C6orf62: variants seen among roughly 807,000 people sequenced by gnomAD.
The protein encoded by C6orf62 is uncharacterized protein C6orf62.
A neutral mutation model predicts 26.8 loss-of-function variants in C6orf62; 16 were observed. That is an observed-to-expected ratio of 0.60 (90% CI 0.40 to 0.91). The LOEUF is 0.91. C6orf62 is among the 40% of genes least tolerant of loss of function. The probability of loss-of-function intolerance (pLI) is 0.00; values close to 1 mark genes in which losing one functional copy is unlikely to be tolerated. For missense variants in C6orf62, 192 were observed against 271.4 expected (o/e 0.71, Z 2.06); for synonymous variants, 112 against 91.5 (o/e 1.22, Z -1.28).
Position 24,718,929 on chromosome 6 carries a change from A to C in C6orf62, c.-261T>G. ...GGGGTCAGACGGGAAAAAGGGAGGA[A>C]AGAAAGGAAAGAAAGAGGAGAAAAT... On this transcript the variant is annotated 5_prime_UTR_variant, in exon 1 of 5. Coordinates refer to ENST00000378119, the MANE Select transcript of C6orf62 (RefSeq NM_030939.5). 14 of 1,250,536 alleles carry C rather than the reference A, an allele frequency of 1.1e-5. No homozygotes were observed. In the South Asian group the frequency reaches 2.4e-4, roughly 22 times the overall value. 77.5% of individuals were successfully genotyped at this position (1,250,536 alleles called of 1,614,324 possible).
intron 3 of C6orf62, chr6:24,710,243 A>G (rs1044175307): frequency 7.1e-6 from 7 of 982,306 alleles, no homozygotes; most frequent in African/African-American, 1.8e-5. Flanking sequence ...CCAGAATAAG[A>G]TGTGGTTATC....
rs774735763 is a variant in C6orf62 at position 24,706,094 on chromosome 6, G to A, written c.*43C>T. On this transcript the variant is annotated 3_prime_UTR_variant, in exon 5 of 5. Coordinates refer to ENST00000378119, the MANE Select transcript of C6orf62 (RefSeq NM_030939.5). ...TGGTAAGAAAACAAGAAAAAAAACTGCTGCTGCATTCTCTGATCTTCTCCA... is the reference window on the plus strand; with the variant it reads ...TGGTAAGAAAACAAGAAAAAAAACTACTGCTGCATTCTCTGATCTTCTCCA... 6.3e-7 allele frequency: 1 copy of A among 1,598,752 alleles called. No homozygotes were observed. The highest frequency in any genetic ancestry group is 1.7e-5 in the Admixed American group (1 of 58,226).
rs1359881955 is a variant in C6orf62 at position 24,705,493 on chromosome 6, T to C, written c.*644A>G. ...AGCAGAATACTCTTACAATAGCAAC[T>C]TGGGGAAAGAGATCTGGAAAAAAAA... On this transcript the variant is annotated 3_prime_UTR_variant, in exon 5 of 5. Transcript: ENST00000378119. The C allele has an allele frequency of 6.6e-6, 1 of 152,476 alleles. No homozygotes were observed. 9.4% of individuals were successfully genotyped at this position (152,476 alleles called of 1,614,324 possible).
At chr6:24,720,526 CAA>C (rs1446841822), upstream of C6orf62, 4 of 398,424 alleles carry the variant, frequency 1.0e-5, no homozygotes, top group Non-Finnish European at 1.4e-5. Context: ...AGAGGAAAAA[CAA>C]AGAGAAAGAT....
chr6:24,713,748 C>T (rs1312876501), intron 3 of C6orf62, among the ~76,000 whole-genome samples: 1 of 152,174 alleles, frequency 6.6e-6, no homozygotes, highest in Non-Finnish European at 1.5e-5. Context: ...TACAAATATA[C>T]TGTAAATAAA....
At chr6:24,719,285 T>G (rs1476423949), upstream of C6orf62, 4 of 989,680 alleles carry the variant, frequency 4.0e-6, no homozygotes, top group Admixed American at 6.0e-5. Context: ...TACCTAATTC[T>G]TAGTTATTTC....
intron 3 of C6orf62, chr6:24,709,507 C>T (rs1206158558): frequency 2.0e-6 from 2 of 976,642 alleles, no homozygotes; most frequent in African/African-American, 3.5e-5. Context: ...TCAGCTTCCT[C>T]ATCTATAAAA....
In C6orf62 at chr6:24,714,305, T is replaced by C. The variant is rs1305687970; in HGVS notation, c.429+13A>G. On this transcript the variant is annotated intron_variant, in intron 3 of 4. Transcript: ENST00000378119. ...ACATATTGAAATACTCATCACACTT[T>C]AGACCAAAATACCTGAACAGGCCTA... The C allele has an allele frequency of 6.3e-7, 1 of 1,597,442 alleles. No homozygotes were observed. Among genetic ancestry groups the C allele is most frequent in the Non-Finnish European group, 8.5e-7 (1 of 1,174,564 alleles).
intron 1 of C6orf62, 105 bp downstream of exon 1, chr6:24,718,435 T>C: frequency 8.4e-7 from 1 of 1,191,540 alleles, no homozygotes; most frequent in Non-Finnish European, 1.2e-6. Context: ...CAGACTTTTT[T>C]TCAACCACTC....
chr6:24,708,100 T>C (rs1360033307), intron 4 of C6orf62, among the ~76,000 whole-genome samples: 2 of 152,160 alleles, frequency 1.3e-5, no homozygotes, highest in Non-Finnish European at 2.9e-5. Flanking sequence ...CTCTGATTAG[T>C]AGAGCCTGAG....
intron 3 of C6orf62, chr6:24,709,688 T>C (rs1390944966): frequency 2.0e-6 from 2 of 985,270 alleles, no homozygotes; most frequent in East Asian, 2.3e-4. Flanking sequence ...AAGACTGTTA[T>C]CAATTAAGTC....
chr6:24,707,393 G>C (rs916394008), intron 4 of C6orf62, among the ~76,000 whole-genome samples: 1 of 150,066 alleles, frequency 6.7e-6, no homozygotes, highest in Non-Finnish European at 1.5e-5. Context: ...GGGTCTCGCT[G>C]CATTACTCAG....
chr6:24,707,358 C>T (rs961055838), intron 4 of C6orf62, among the ~76,000 whole-genome samples: 2 of 150,576 alleles, frequency 1.3e-5, no homozygotes, highest in African/African-American at 4.9e-5. Flanking sequence ...TTGTTGTTGG[C>T]GGTGTTTTTT....
intron 3 of C6orf62, among the ~76,000 whole-genome samples, chr6:24,710,935 T>C (rs1440030004): frequency 1.3e-5 from 2 of 152,164 alleles, no homozygotes; most frequent in South Asian, 2.1e-4. Flanking sequence ...AAGGCTGCAG[T>C]GAGCCATGAC....
Position 24,704,933 on chromosome 6 carries a change from T to C in C6orf62, c.*1204A>G, listed in dbSNP as rs1264802530. On this transcript the variant is annotated 3_prime_UTR_variant, in exon 5 of 5. Coordinates refer to ENST00000378119, the MANE Select transcript of C6orf62 (RefSeq NM_030939.5). ...AGGTTTTCTTTTTCTTTTTTTCTTT[T>C]TTTTTCAAATTCCAACCAGAAGCTA... 1.3e-5 allele frequency: 2 copies of C among 152,436 alleles called. No individual in the cohort carries two copies. The highest frequency in any genetic ancestry group is 2.9e-5 in the Non-Finnish European group (2 of 67,974). The allele number at this position is 152,436 out of a possible 1,614,324, so 9.4% of individuals were successfully genotyped here. A position where few individuals can be genotyped will look rare whatever the true frequency, so the allele number is the denominator to read the frequency against.
At position 24,716,153 on chromosome 6, in the gene C6orf62, T is replaced by G; in HGVS notation, c.301A>C (p.Arg101=). The G allele has an allele frequency of 6.2e-7, 1 of 1,613,612 alleles. No individual in the cohort carries two copies. The highest frequency in any genetic ancestry group is 1.3e-5 in the African/African-American group (1 of 75,004). Residue 101 remains arginine, a synonymous_variant, in exon 2 of 5, where the codon AGA becomes CGA. Coordinates refer to ENST00000378119, the MANE Select transcript of C6orf62 (RefSeq NM_030939.5). ...AGACTTAAGGCAGAACTTACCCTTC[T>G]CATAGACTGATATCGAGGAGCATGG... ...QLHAPRYQSM[R]RDVIGCTQEM...
intron 3 of C6orf62, chr6:24,710,625 C>T (rs1443877813): frequency 2.0e-6 from 2 of 984,098 alleles, no homozygotes; most frequent in Non-Finnish European, 2.4e-6. Context: ...CAGTAAGTAA[C>T]ACGGGAACAT....
chr6:24,716,906 TAG>T, intron 1 of C6orf62, among the ~76,000 whole-genome samples: 1 of 152,118 alleles, frequency 6.6e-6, no homozygotes, highest in Non-Finnish European at 1.5e-5. Context: ...GTATTTTCAG[TAG>T]AGACAGGGTT....
At chr6:24,712,690 C>CAAAAAA (rs10574302) in intron 3 of C6orf62, among the ~76,000 whole-genome samples, 1 of 100,700 alleles carries the variant, frequency 9.9e-6, no homozygotes, top group Non-Finnish European at 2.0e-5. Flanking sequence ...GACTCTGTCT[C>CAAAAAA]AAAAAAAAAA....
Sources: allele counts gnomAD v4.1 joint callset (sites outside exome capture counted in the v4.1 genomes callset), GRCh38; gene constraint gnomAD v4.1.1; transcripts MANE v1.5; gene names NCBI Gene and HGNC (gene_info 2026-07-23, HGNC 2026-07-21).